ALDH6A1: variants seen among roughly 807,000 people sequenced by gnomAD.
ALDH6A1 encodes methylmalonate-semialdehyde/malonate-semialdehyde dehydrogenase [acylating], mitochondrial.
In ALDH6A1, 43 loss-of-function variants were observed where a neutral mutation model predicts 62.6. The observed-to-expected ratio is 0.69, with a 90% CI of 0.54 to 0.89. The LOEUF is 0.89. Ranked by LOEUF, ALDH6A1 falls within the 40% of genes least tolerant of loss-of-function variation. ALDH6A1 has a pLI of 0.00. For synonymous variants in ALDH6A1, 194 were observed against 234.2 expected (o/e 0.83, Z 1.57); for missense variants, 551 against 661.3 (o/e 0.83, Z 1.83).
intron 5 of ALDH6A1, 78 bp from the exon 6 acceptor site, chr14:74,071,575 G>T (rs1595125285): frequency 6.2e-7 from 1 of 1,609,380 alleles, no homozygotes. Context: ...CAGCCCTGAG[G>T]ACAGGAAGTG....
intron 1 of ALDH6A1, among the ~76,000 whole-genome samples, chr14:74,083,209 C>G (rs1004133623): frequency 1.7e-4 from 26 of 152,198 alleles, no homozygotes; most frequent in African/African-American, 5.5e-4. Context: ...TACTAGAACT[C>G]ACGGAAACCT....
At chr14:74,081,718 T>A (rs1276257575) in intron 1 of ALDH6A1, among the ~76,000 whole-genome samples, 1 of 152,200 alleles carries the variant, frequency 6.6e-6, no homozygotes, top group East Asian at 1.9e-4. Flanking sequence ...GTCCCCACAG[T>A]ATCCCAGATA....
intron 11 of ALDH6A1, 44 bp from the exon 12 acceptor site, chr14:74,060,790 C>T (rs756059438): frequency 7.3e-7 from 1 of 1,376,676 alleles, no homozygotes; most frequent in Admixed American, 1.7e-5. Context: ...TCTGGGGTTT[C>T]ATGATTCTTC....
chr14:74,082,393 GTTTTTT>G (rs869211328), intron 1 of ALDH6A1, among the ~76,000 whole-genome samples: 1 of 77,568 alleles, frequency 1.3e-5, no homozygotes, highest in South Asian at 6.6e-4. Context: ...CAAAATCGAG[GTTTTTT>G]TTTTTTTTTT....
chr14:74,071,533 C>T (rs1336823127), intron 5 of ALDH6A1, 36 bp from the exon 6 acceptor site: 3 of 1,612,792 alleles, frequency 1.9e-6, no homozygotes, highest in Non-Finnish European at 2.5e-6. Flanking sequence ...GCTCTCCACA[C>T]TGTGTACTAG....
rs1042590107 is a variant in ALDH6A1, at chr14:74,066,686, T to C, written c.1224+19A>G. 1 of 1,611,742 alleles carries C rather than the reference T, an allele frequency of 6.2e-7. No homozygotes were observed. The highest frequency in any genetic ancestry group is 8.5e-7 in the Non-Finnish European group (1 of 1,177,848). On this transcript the variant is annotated intron_variant, in intron 9 of 11. Coordinates refer to ENST00000553458, the MANE Select transcript of ALDH6A1 (RefSeq NM_005589.4). ...AAGGTGCCTTCAGCTCTCATATTTG[T>C]GAAGTGAAAGTTGTTCACCTTGACA...
Position 74,057,554 on chromosome 14 carries a change from A to G in ALDH6A1, c.*3088T>C. ...CTATCTTTTACGTAAGAGTAAACAT[A>G]GTGACCTTGTGACTCTTAGCTTTCC... is the stretch of plus-strand genomic sequence containing the variant. On this transcript the variant is annotated 3_prime_UTR_variant, in exon 12 of 12. Coordinates refer to ENST00000553458, the MANE Select transcript of ALDH6A1 (RefSeq NM_005589.4). The G allele has an allele frequency of 7.5e-7, 1 of 1,333,732 alleles. No homozygotes were observed. The highest frequency in any genetic ancestry group is 1.4e-5 in the South Asian group (1 of 71,392). The allele number at this position is 1,333,732 out of a possible 1,614,324, so 82.6% of individuals were successfully genotyped here. A position where few individuals can be genotyped will look rare whatever the true frequency, so the allele number is the denominator to read the frequency against.
rs781527409 is a variant in ALDH6A1 at position 74,064,823 on chromosome 14, T to G, written c.1502A>C (p.Gln501Pro). 4 of 1,613,812 alleles carry G rather than the reference T, an allele frequency of 2.5e-6. No homozygotes were observed. The highest frequency in any genetic ancestry group is 1.7e-5 in the Admixed American group (1 of 60,000). ...CAAAAAATTTAACTCAAAAGTTACCTGTTTGCCATAGAAATTGGTGTCTCC... is the reference window on the plus strand; with the variant it reads ...CAAAAAATTTAACTCAAAAGTTACCGGTTTGCCATAGAAATTGGTGTCTCC... The part of the protein sequence containing the change: ...FRGDTNFYGK[Q>P]GIQFYTQLKT... Residue 501 changes from glutamine to proline, a missense_variant and splice_region_variant, in exon 11 of 12, where the codon CAG (glutamine) becomes CCG (proline). Coordinates refer to ENST00000553458, the MANE Select transcript of ALDH6A1 (RefSeq NM_005589.4).
chr14:74,082,132 G>C (rs778438037), intron 1 of ALDH6A1, among the ~76,000 whole-genome samples: 1 of 152,174 alleles, frequency 6.6e-6, no homozygotes, highest in Non-Finnish European at 1.5e-5. Context: ...TTCAGCGTGG[G>C]AGGTCGAGGC....
chr14:74,075,580 C>G (rs1468509), intron 1 of ALDH6A1, among the ~76,000 whole-genome samples: 36,428 of 151,530 alleles, frequency 0.24, 4,897 homozygotes, highest in South Asian at 0.46. Flanking sequence ...TTGCTTCAGC[C>G]CGGGAGGGTG....
At position 74,060,132 on chromosome 14, in the gene ALDH6A1, C is replaced by T. The variant is rs2060306945; in HGVS notation, c.*510G>A. 6.3e-6 allele frequency: 1 copy of T among 158,334 alleles called. No individual in the cohort carries two copies. The highest frequency in any genetic ancestry group is 1.4e-5 in the Non-Finnish European group (1 of 71,480). 9.8% of individuals were successfully genotyped at this position (158,334 alleles called of 1,614,324 possible). On this transcript the variant is annotated 3_prime_UTR_variant, in exon 12 of 12. Transcript: ENST00000553458. ...AGAGTTCTTCTTGCAATTATTGGAACATCTTCTTTAAAAAATTTTTTTTCC... is the reference window on the plus strand; with the variant it reads ...AGAGTTCTTCTTGCAATTATTGGAATATCTTCTTTAAAAAATTTTTTTTCC...
chr14:74,059,224 A>C lies in ALDH6A1; in HGVS notation c.*1418T>G. The C allele has an allele frequency of 3.3e-6, 1 of 304,164 alleles. No individual in the cohort carries two copies. Among genetic ancestry groups the C allele is most frequent in the South Asian group, 2.8e-5 (1 of 36,190 alleles). 18.8% of individuals were successfully genotyped at this position (304,164 alleles called of 1,614,324 possible). Reference sequence around the variant, plus strand: ...GCCCAGTTAATTGCTCTACATGAAGAGTTCTTCATTAAACAAATCACTAAT... The same window carrying C: ...GCCCAGTTAATTGCTCTACATGAAGCGTTCTTCATTAAACAAATCACTAAT... On this transcript the variant is annotated 3_prime_UTR_variant, in exon 12 of 12. Transcript: ENST00000553458.
rs1381069851 is a variant in ALDH6A1, at chr14:74,058,468, C to T, written c.*2174G>A. ...AAGCAGAAAAAAAAAAAAAAAAGGCCCAGTAGGATCATAAGTGTATTTTAC... is the reference window on the plus strand; with the variant it reads ...AAGCAGAAAAAAAAAAAAAAAAGGCTCAGTAGGATCATAAGTGTATTTTAC... On this transcript the variant is annotated 3_prime_UTR_variant, in exon 12 of 12. Transcript: ENST00000553458. 6.8e-6 allele frequency: 1 copy of T among 147,658 alleles called. No individual in the cohort carries two copies. Among genetic ancestry groups the T allele is most frequent in the African/African-American group, 2.5e-5 (1 of 40,362 alleles). The allele number at this position is 147,658 out of a possible 1,614,324, so 9.1% of individuals were successfully genotyped here.
At chr14:74,063,291 A>G (rs2060388240) in intron 11 of ALDH6A1, among the ~76,000 whole-genome samples, 1 of 150,854 alleles carries the variant, frequency 6.6e-6, no homozygotes, top group Non-Finnish European at 1.5e-5. Context: ...GATTCAAAGG[A>G]TTCTTCTGCC....
At position 74,060,772 on chromosome 14, in the gene ALDH6A1, C is replaced by T. The variant is rs1185279145; in HGVS notation, c.1504-26G>A. 5 of 1,505,728 alleles carry T rather than the reference C, an allele frequency of 3.3e-6. No homozygotes were observed. In the South Asian group the frequency reaches 5.6e-5, roughly 17 times the overall value. 93.3% of individuals were successfully genotyped at this position (1,505,728 alleles called of 1,614,324 possible). A position where few individuals can be genotyped will look rare whatever the true frequency, so the allele number is the denominator to read the frequency against. On this transcript the variant is annotated intron_variant, in intron 11 of 11. Transcript: ENST00000553458. ...CTAAGGAAAACAGAAAAAAAGTTAG[C>T]ATATATTTCTGGGGTTTCATGATTC...
At chr14:74,066,986 C>T in intron 8 of ALDH6A1, 100 bp from the exon 9 acceptor site, 1 of 1,141,408 alleles carries the variant, frequency 8.8e-7, no homozygotes, top group Non-Finnish European at 1.3e-6. Flanking sequence ...GAGGCCAAGG[C>T]AGGAGGACTG....
At chr14:74,068,739 CA>C (rs1338917208) in intron 7 of ALDH6A1, 120 bp downstream of exon 7, 115 of 1,237,492 alleles carry the variant, frequency 9.3e-5, no homozygotes, top group Middle Eastern at 2.0e-4. Flanking sequence ...GACTCTGTCT[CA>C]AAAAAAAGAA....
At chr14:74,071,618 G>A in intron 5 of ALDH6A1, 121 bp from the exon 6 acceptor site, 1 of 1,578,734 alleles carries the variant, frequency 6.3e-7, no homozygotes, top group Non-Finnish European at 8.6e-7. Context: ...AGGGTACACT[G>A]ACTTGCCCTT....
chr14:74,065,582 C>G (rs531995735), intron 9 of ALDH6A1: 156 of 550,236 alleles, frequency 2.8e-4, no homozygotes, highest in African/African-American at 2.7e-3. Context: ...TTCCTATCAA[C>G]AATAACCACA....
Sources: allele counts gnomAD v4.1 joint callset (sites outside exome capture counted in the v4.1 genomes callset), GRCh38; gene constraint gnomAD v4.1.1; transcripts MANE v1.5; gene names NCBI Gene and HGNC (gene_info 2026-07-23, HGNC 2026-07-21).